The following UGT1A6 variants were observed in gnomAD, a reference collection of about 807,000 sequenced individuals.
UGT1A6 encodes the protein UDP-glucuronosyltransferase 1A6.
A neutral mutation model predicts 44.4 loss-of-function variants in UGT1A6; 32 were observed. That is an observed-to-expected ratio of 0.72 (90% CI 0.54 to 0.97). The LOEUF (loss-of-function observed/expected upper bound fraction) is 0.97, where lower values mean the gene tolerates loss of function less well. Among genes scored for constraint, UGT1A6 ranks in the 50% least tolerant of loss-of-function variants. The probability of loss-of-function intolerance (pLI) is 0.00; values close to 1 mark genes in which losing one functional copy is unlikely to be tolerated. For missense variants in UGT1A6, 685 were observed against 661.9 expected, an observed-to-expected ratio of 1.03 and a Z score of -0.38; for synonymous variants, 238 against 248.5, an observed-to-expected ratio of 0.96 and a Z score of 0.40.
At chr2:233,717,412 CT>C (rs1379862017) in intron 1 of UGT1A6, among the ~76,000 whole-genome samples, 17 of 152,222 alleles carry the variant, frequency 1.1e-4, no homozygotes, top group African/African-American at 3.9e-4. Context: ...ATATGCCTCC[CT>C]TGAGCTGGGT....
intron 1 of UGT1A6, chr2:233,718,623 G>A (rs1281711935): frequency 9.0e-6 from 8 of 892,530 alleles, no homozygotes; most frequent in Non-Finnish European, 1.1e-5. Context: ...AGGCGTGATT[G>A]GTCTTTCCCA....
intron 1 of UGT1A6, among the ~76,000 whole-genome samples, chr2:233,746,060 G>A (rs1011902873): frequency 4.0e-5 from 6 of 151,770 alleles, no homozygotes; most frequent in Admixed American, 3.9e-4. Flanking sequence ...GGTCTAGAAC[G>A]AAAAGAGAAG....
Position 233,695,130 on chromosome 2 carries a change from C to CTTTCTTTCTT in UGT1A6, c.861+1268_861+1269insCTTTCTTTTT, listed in dbSNP as rs1364557158. ...GCCCATTAACCAACCCTTTTCTTTTCTTTTTTTTTTTTTTGAGACAGAGTC... is the reference window on the plus strand; with the variant it reads ...GCCCATTAACCAACCCTTTTCTTTTCTTTCTTTCTTTTTTTTTTTTTTTTGAGACAGAGTC... On this transcript the variant is annotated intron_variant, in intron 1 of 4. Transcript: ENST00000305139. Among the ~76,000 whole-genome samples the CTTTCTTTCTT allele has an allele frequency of 1.3e-4, 18 of 138,838 alleles. 1 individual carries two copies. Among genetic ancestry groups the CTTTCTTTCTT allele is most frequent in the African/African-American group, 4.9e-4 (18 of 36,850 alleles). 91.1% of individuals were successfully genotyped at this position (138,838 alleles called of 152,430 possible). A position where few individuals can be genotyped will look rare whatever the true frequency, so the allele number is the denominator to read the frequency against.
At chr2:233,694,697 CTCT>C (rs373020976) in intron 1 of UGT1A6, among the ~76,000 whole-genome samples, 1 of 152,196 alleles carries the variant, frequency 6.6e-6, no homozygotes, top group African/African-American at 2.4e-5. Flanking sequence ...ACCCTTACCT[CTCT>C]TCTTTACACC....
chr2:233,712,128 G>T (rs2076215932), intron 1 of UGT1A6, among the ~76,000 whole-genome samples: 1 of 152,208 alleles, frequency 6.6e-6, no homozygotes, highest in South Asian at 2.1e-4. Flanking sequence ...CAGAAGACTG[G>T]AGCCTTCAGC....
chr2:233,768,990 A>C (rs1198274565), intron 4 of UGT1A6, among the ~76,000 whole-genome samples: 1 of 152,146 alleles, frequency 6.6e-6, no homozygotes, highest in Admixed American at 6.5e-5. Context: ...TATTTCCCCC[A>C]TTAGATTTAA....
chr2:233,754,775 G>T (rs1381490042), intron 1 of UGT1A6: 9 of 1,081,770 alleles, frequency 8.3e-6, no homozygotes, highest in Non-Finnish European at 1.1e-5. Context: ...TTCCCAGGGA[G>T]CCAAAGGAAC....
At chr2:233,758,938 C>A (rs1697023841) in intron 1 of UGT1A6, among the ~76,000 whole-genome samples, 1 of 152,234 alleles carries the variant, frequency 6.6e-6, no homozygotes, top group Non-Finnish European at 1.5e-5. Flanking sequence ...GACTTCAAAT[C>A]AGTCATCAGA....
At chr2:233,726,524 T>C (rs1232953438) in intron 1 of UGT1A6, among the ~76,000 whole-genome samples, 1 of 152,258 alleles carries the variant, frequency 6.6e-6, no homozygotes, top group East Asian at 1.9e-4. Flanking sequence ...TTTTCCACTT[T>C]TAGGGAGATG....
intron 1 of UGT1A6, among the ~76,000 whole-genome samples, chr2:233,735,342 T>C (rs542444977): frequency 6.6e-6 from 1 of 152,338 alleles, no homozygotes; most frequent in South Asian, 2.1e-4. Context: ...CCCTGCTTTT[T>C]TTTTGCTTTC....
At chr2:233,761,055 T>G (rs1559407933) in intron 1 of UGT1A6, 1 of 1,614,230 alleles carries the variant, frequency 6.2e-7, no homozygotes, top group East Asian at 2.2e-5. Context: ...TCTGGCTGTT[T>G]AGAAGTGACT....
chr2:233,755,134 ATCT>A (rs1231510836), intron 1 of UGT1A6: 15 of 1,316,668 alleles, frequency 1.1e-5, no homozygotes, highest in Non-Finnish European at 1.5e-5. Flanking sequence ...ACCTGCTTGA[ATCT>A]TCTCACCGCT....
At chr2:233,695,143 T>TTTTTTTTG in intron 1 of UGT1A6, among the ~76,000 whole-genome samples, 1 of 151,230 alleles carries the variant, frequency 6.6e-6, no homozygotes, top group Non-Finnish European at 1.5e-5. Context: ...TTTTTTTTTT[T>TTTTTTTTG]TGAGACAGAG....
Position 233,694,015 on chromosome 2 carries a change from CAT to C in UGT1A6, c.861+152_861+153del, listed in dbSNP as rs2075195647. 2.9e-6 allele frequency: 4 copies of C among 1,382,808 alleles called. No homozygotes were observed. The East Asian group carries it at 9.1e-5, about 32-fold the overall frequency. The allele number at this position is 1,382,808 out of a possible 1,614,324, so 85.7% of individuals were successfully genotyped here. ...TACCCGGCTCGGAGCAGCGGGAACA[CAT>C]AGGAGACCTGAGGCTGAAGTGATAC... is the stretch of plus-strand genomic sequence containing the variant. On this transcript the variant is annotated intron_variant, in intron 1 of 4. Coordinates refer to ENST00000305139, the MANE Select transcript of UGT1A6 (RefSeq NM_001072.4).
At chr2:233,715,729 G>A (rs754544247) in intron 1 of UGT1A6, among the ~76,000 whole-genome samples, 1 of 152,122 alleles carries the variant, frequency 6.6e-6, no homozygotes, top group Non-Finnish European at 1.5e-5. Flanking sequence ...CCATGTTCAC[G>A]CCACCTCACT....
At chr2:233,703,597 A>G (rs1345534938) in intron 1 of UGT1A6, among the ~76,000 whole-genome samples, 2 of 152,058 alleles carry the variant, frequency 1.3e-5, no homozygotes, top group African/African-American at 2.4e-5. Flanking sequence ...GCTTCATGAT[A>G]CTGTGTCATT....
At position 233,693,782 on chromosome 2, in the gene UGT1A6, G is replaced by T. The variant is rs1430331548; in HGVS notation, c.778G>T (p.Val260Leu). 3.1e-6 allele frequency: 5 copies of T among 1,614,078 alleles called. No homozygotes were observed. The highest frequency in any genetic ancestry group is 4.2e-6 in the Non-Finnish European group (5 of 1,180,026). The change falls in exon 1 of 5, where the codon GTG becomes TTG. Residue 260 changes from valine to leucine, a missense_variant. Val to Leu is a conservative substitution (Grantham distance 32, BLOSUM62 1). Transcript: ENST00000305139. Reference sequence around the variant, plus strand: ...TGTTTGGCTGTTAAGATATGACTTTGTGCTTGAATATCCTAGGCCGGTCAT... The same window carrying T: ...TGTTTGGCTGTTAAGATATGACTTTTTGCTTGAATATCCTAGGCCGGTCAT... ...VSVWLLRYDF[V>L]LEYPRPVMPN...
chr2:233,755,095 C>A, intron 1 of UGT1A6: 1 of 1,334,726 alleles, frequency 7.5e-7, no homozygotes, highest in Non-Finnish European at 1.0e-6. Context: ...CGTTTCTACG[C>A]GTCCGACAAC....
At chr2:233,743,803 G>A (rs568702968) in intron 1 of UGT1A6, 1 of 1,367,298 alleles carries the variant, frequency 7.3e-7, no homozygotes, top group Admixed American at 1.9e-5. Context: ...CTTCCTCCTT[G>A]TTCTCAGGGT....
Sources: gnomAD v4.1 joint callset for allele counts (sites outside exome capture counted in the v4.1 genomes callset) on GRCh38, gnomAD v4.1.1 for gene constraint, MANE v1.5 for transcripts, NCBI Gene and HGNC (gene_info 2026-07-23, HGNC 2026-07-21) for gene names.